HNF1A: variants seen among roughly 807,000 people sequenced by gnomAD.
HNF1A encodes hepatocyte nuclear factor 1-alpha.
A neutral mutation model predicts 62.2 loss-of-function variants in HNF1A; 21 were observed. The observed-to-expected ratio is 0.34, with a 90% confidence interval of 0.24 to 0.49. HNF1A has a LOEUF of 0.49. Ranked by LOEUF, HNF1A falls within the 20% of genes least tolerant of loss-of-function variation. The pLI is 0.99. For missense variants in HNF1A, 687 were observed against 832.3 expected (o/e 0.83, Z 2.15); for synonymous variants, 374 against 366.8 (o/e 1.02, Z -0.22).
In HNF1A at chr12:121,002,126, C is replaced by A; in HGVS notation, c.*934C>A. The stretch of plus-strand genomic sequence containing the variant: ...AGCTCACAAGGCAGCAAGGCCCGAG[C>A]AGCTGAGCAGGGCCGGGGAACTGGC... On this transcript the variant is annotated 3_prime_UTR_variant, in exon 10 of 10. Coordinates refer to ENST00000257555, the MANE Select transcript of HNF1A (RefSeq NM_000545.8). 1 of 528,406 alleles carries A rather than the reference C, an allele frequency of 1.9e-6. No homozygotes were observed. The highest frequency in any genetic ancestry group is 3.7e-6 in the Non-Finnish European group (1 of 272,608). 32.7% of individuals were successfully genotyped at this position (528,406 alleles called of 1,614,324 possible).
chr12:120,990,616 A>G (rs550695409), intron 2 of HNF1A, among the ~76,000 whole-genome samples: 52 of 143,990 alleles, frequency 3.6e-4, no homozygotes, highest in African/African-American at 1.3e-3. Flanking sequence ...GGGAGGAAAG[A>G]TAGGAAAGGG....
intron 2 of HNF1A, among the ~76,000 whole-genome samples, chr12:120,989,521 A>C (rs777068868): frequency 2.4e-4 from 36 of 151,858 alleles, no homozygotes; most frequent in Non-Finnish European, 4.0e-4. Context: ...CAGCCTCCCA[A>C]AGTGCTGGGA....
chr12:121,000,756 C>T (rs1310247000), intron 9 of HNF1A: 5 of 432,680 alleles, frequency 1.2e-5, no homozygotes, highest in African/African-American at 4.0e-5. Flanking sequence ...TTCACAGCAG[C>T]GCCTAGATTA....
At chr12:120,984,288 CTTTGT>C (rs1876402376) in intron 1 of HNF1A, among the ~76,000 whole-genome samples, 2 of 151,654 alleles carry the variant, frequency 1.3e-5, no homozygotes, top group East Asian at 2.0e-4. Context: ...GGTGGCTGGC[CTTTGT>C]TTTATTTTCA....
In HNF1A at chr12:121,001,750, G is replaced by A. The variant is rs922951307; in HGVS notation, c.*558G>A. ...CTGACCCCATCACCTACTCACACAG[G>A]CATTTCCTGGGTGGCTACTCTGTGC... On this transcript the variant is annotated 3_prime_UTR_variant, in exon 10 of 10. Transcript: ENST00000257555. 1.9e-5 allele frequency: 10 copies of A among 533,616 alleles called. No homozygotes were observed. The highest frequency in any genetic ancestry group is 3.3e-5 in the Non-Finnish European group (9 of 275,274). 33.1% of individuals were successfully genotyped at this position (533,616 alleles called of 1,614,324 possible). A position where few individuals can be genotyped will look rare whatever the true frequency, so the allele number is the denominator to read the frequency against.
Position 120,999,571 on chromosome 12 carries a change from A to T in HNF1A, c.1712A>T (p.Asp571Val), listed in dbSNP as rs2135851489. 6.2e-7 allele frequency: 1 copy of T among 1,612,576 alleles called. No homozygotes were observed. Among genetic ancestry groups the T allele is most frequent in the Non-Finnish European group, 8.5e-7 (1 of 1,179,760 alleles). The change falls in exon 9 of 10, where the codon GAC becomes GTC. Residue 571 changes from aspartate to valine, a missense_variant. Physicochemically the swap from Asp to Val is radical, Grantham distance 152. Coordinates refer to ENST00000257555, the MANE Select transcript of HNF1A (RefSeq NM_000545.8). The part of the protein sequence containing the change: ...QATTLHVPSQ[D>V]PASIQHLQPA... ...ACCACCCTCCACGTCCCCAGCCAGG[A>T]CCCTGCCAGCATCCAGCACCTGCAG... is the stretch of plus-strand genomic sequence containing the variant.
intron 2 of HNF1A, among the ~76,000 whole-genome samples, chr12:120,990,703 A>AG (rs1876793991): frequency 2.0e-5 from 3 of 152,002 alleles, no homozygotes; most frequent in African/African-American, 7.2e-5. Context: ...AGGAAGGAAA[A>AG]GAAAAGAAAG....
intron 2 of HNF1A, 43 bp downstream of exon 2, chr12:120,989,075 G>A (rs1876680887): frequency 6.3e-7 from 1 of 1,588,930 alleles, no homozygotes; most frequent in African/African-American, 1.3e-5. Flanking sequence ...GGAGGGCCCA[G>A]GACTCTCCCC....
chr12:120,999,323 G>A lies in HNF1A; in HGVS notation c.1557G>A (p.Pro519=), dbSNP rs1402941270. The A allele has an allele frequency of 2.5e-6, 4 of 1,613,922 alleles. No homozygotes were observed. Among genetic ancestry groups the A allele is most frequent in the East Asian group, 2.2e-5 (1 of 44,882 alleles). ...VAQYTHTGLL[P]QTMLITDTTN... is the part of the protein sequence containing the mutation. ...AGTACACCCACACGGGCCTGCTCCCGCAGACTATGCTCATCACCGACACCA... is the reference window on the plus strand; with the variant it reads ...AGTACACCCACACGGGCCTGCTCCCACAGACTATGCTCATCACCGACACCA... The change falls in exon 8 of 10, where the codon CCG becomes CCA. Residue 519 remains proline (P), a synonymous_variant. Coordinates refer to ENST00000257555, the MANE Select transcript of HNF1A (RefSeq NM_000545.8).
rs1273890004 is a variant in HNF1A at position 120,997,468 on chromosome 12, C to T, written c.1310-6C>T. The T allele has an allele frequency of 1.9e-5, 30 of 1,602,360 alleles. No homozygotes were observed. Among genetic ancestry groups the T allele is most frequent in the Non-Finnish European group, 2.6e-5 (30 of 1,175,830 alleles). ...GCCCAGCTGATTCCCTCCCCTTCCA[C>T]TCCAGGCCTGGCCTCCACGCAGGCA... On this transcript the variant is annotated splice_polypyrimidine_tract_variant and splice_region_variant and intron_variant, in intron 6 of 9. Coordinates refer to ENST00000257555, the MANE Select transcript of HNF1A (RefSeq NM_000545.8).
At chr12:120,989,904 T>G (rs1593055136) in intron 2 of HNF1A, among the ~76,000 whole-genome samples, 1 of 151,550 alleles carries the variant, frequency 6.6e-6, no homozygotes, top group African/African-American at 2.4e-5. Context: ...CAGGGAAGGG[T>G]GTTTCAGGCA....
At chr12:120,984,892 C>T (rs1428877502) in intron 1 of HNF1A, among the ~76,000 whole-genome samples, 1 of 151,694 alleles carries the variant, frequency 6.6e-6, no homozygotes, top group Non-Finnish European at 1.5e-5. Context: ...GTGGCCAGTC[C>T]TCAGCACGGT....
chr12:120,989,117 A>G (rs573837072), intron 2 of HNF1A, 85 bp downstream of exon 2: 11 of 1,280,652 alleles, frequency 8.6e-6, no homozygotes, highest in Non-Finnish European at 8.9e-6. Flanking sequence ...AAGCTTCACC[A>G]TCCCCATTAC....
chr12:120,994,281 C>T lies in HNF1A; in HGVS notation c.831C>T (p.Phe277=). 3.7e-6 allele frequency: 6 copies of T among 1,613,312 alleles called. No homozygotes were observed. The highest frequency in any genetic ancestry group is 5.1e-6 in the Non-Finnish European group (6 of 1,179,714). ...WFANRRKEEA[F]RHKLAMDTYS... is the part of the protein sequence containing the mutation. The stretch of plus-strand genomic sequence containing the variant: ...CCAACCGGCGCAAAGAAGAAGCCTT[C>T]CGGCACAAGCTGGCCATGGACACGT... Residue 277 remains phenylalanine (F), a synonymous_variant, in exon 4 of 10, where the codon TTC becomes TTT. Coordinates refer to ENST00000257555, the MANE Select transcript of HNF1A (RefSeq NM_000545.8).
rs767284188 is a variant in HNF1A, at chr12:120,996,664, G to T, written c.1231G>T (p.Val411Phe). 3 of 1,613,900 alleles carry T rather than the reference G, an allele frequency of 1.9e-6. No individual in the cohort carries two copies. Among genetic ancestry groups the T allele is most frequent in the Non-Finnish European group, 2.5e-6 (3 of 1,180,012 alleles). ...CCTCATCATGGCCTCACTTCCTGGG[G>T]TCATGACCATCGGGCCTGGTGAGCC... The part of the protein sequence containing the change: ...QNLIMASLPG[V>F]MTIGPGEPAS... The change falls in exon 6 of 10, where the codon GTC becomes TTC. Residue 411 changes from valine to phenylalanine, a missense_variant. Val to Phe is a conservative substitution (Grantham distance 50). This residue lies in a region of HNF1A where 408 missense variants were observed against 455.3 expected (regional missense o/e 0.90). Coordinates refer to ENST00000257555, the MANE Select transcript of HNF1A (RefSeq NM_000545.8). This position sits in a 1 kb window ranked among gnomAD's most constrained non-coding sequence, Gnocchi z 4.5.
At chr12:120,984,370 G>A (rs61946403) in intron 1 of HNF1A, among the ~76,000 whole-genome samples, 1 of 152,044 alleles carries the variant, frequency 6.6e-6, no homozygotes, top group Non-Finnish European at 1.5e-5. Flanking sequence ...GAAAGAAACA[G>A]ACAGACATGG....
At chr12:120,982,880 A>T (rs942661955) in intron 1 of HNF1A, among the ~76,000 whole-genome samples, 1 of 152,148 alleles carries the variant, frequency 6.6e-6, no homozygotes, top group Non-Finnish European at 1.5e-5. Context: ...ACTCACTTCC[A>T]TACAGTGCTT....
In HNF1A at chr12:120,996,276, C is replaced by G; in HGVS notation, c.970C>G (p.Gln324Glu). Residue 324 changes from glutamine (Q) to glutamate (E), a missense_variant, in exon 5 of 10, where the codon CAG (glutamine) becomes GAG (glutamate). Gln to Glu is a conservative substitution (Grantham distance 29). This residue lies in a region of HNF1A where 408 missense variants were observed against 455.3 expected (regional missense o/e 0.90). Coordinates refer to ENST00000257555, the MANE Select transcript of HNF1A (RefSeq NM_000545.8). This position sits in a 1 kb window ranked among gnomAD's most constrained non-coding sequence, Gnocchi z 4.5. ...TCCCTCTCCAGGTGTGCGCTATGGA[C>G]AGCCTGCGACCAGTGAGACTGCAGA... ...PSKVHGVRYG[Q>E]PATSETAEVP... 1 of 1,614,122 alleles carries G rather than the reference C, an allele frequency of 6.2e-7. No individual in the cohort carries two copies. The highest frequency in any genetic ancestry group is 8.5e-7 in the Non-Finnish European group (1 of 1,180,024).
intron 9 of HNF1A, 140 bp downstream of exon 9, chr12:120,999,767 G>A (rs1043823634): frequency 2.8e-5 from 33 of 1,173,434 alleles, no homozygotes; most frequent in Admixed American, 2.3e-4. Flanking sequence ...ACTGGCAGGC[G>A]TGGAGGGGTG....
Sources: gnomAD v4.1 joint callset for allele counts (sites outside exome capture counted in the v4.1 genomes callset) on GRCh38, gnomAD v4.1.1 for gene constraint, gnomAD v4.1.1 regional missense constraint, Gnocchi (gnomAD v3.1) non-coding constraint, MANE v1.5 for transcripts, NCBI Gene and HGNC (gene_info 2026-07-23, HGNC 2026-07-21) for gene names.